The following CXXC4 variants were observed in gnomAD, a reference collection of about 807,000 sequenced individuals.
CXXC4 encodes CXXC-type zinc finger protein 4.
A neutral mutation model predicts 20.5 loss-of-function variants in CXXC4; 5 were observed. That is an observed-to-expected ratio of 0.24 (90% confidence interval 0.13 to 0.51). CXXC4 has a LOEUF of 0.51. CXXC4 is among the 20% of genes least tolerant of loss of function. The probability of loss-of-function intolerance (pLI) is 0.97; values close to 1 mark genes in which losing one functional copy is unlikely to be tolerated. For missense variants in CXXC4, 419 were observed against 496.4 expected (o/e 0.84, Z 1.48); for synonymous variants, 250 against 216.4 (o/e 1.16, Z -1.36).
chr4:104,469,123 A>C lies in CXXC4; in HGVS notation c.*3199T>G, dbSNP rs1736197035. 1 of 152,040 alleles carries C rather than the reference A, an allele frequency of 6.6e-6. No homozygotes were observed. The highest frequency in any genetic ancestry group is 2.4e-5 in the African/African-American group (1 of 41,420). 9.4% of individuals were successfully genotyped at this position (152,040 alleles called of 1,614,324 possible). A position where few individuals can be genotyped will look rare whatever the true frequency, so the allele number is the denominator to read the frequency against. ...AGACTTCCTATTTTCTTTCCCAAGG[A>C]TGGATACATTTCTACTTTGAATCTG... On this transcript the variant is annotated 3_prime_UTR_variant, in exon 3 of 3. Coordinates refer to ENST00000394767, the MANE Select transcript of CXXC4 (RefSeq NM_025212.4).
In CXXC4 at chr4:104,490,936, CGAGGAGGAG is replaced by C. The variant is rs750088127; in HGVS notation, c.858_866del (p.Ser290_Ser292del). 1.9e-6 allele frequency: 3 copies of C among 1,613,904 alleles called. No individual in the cohort carries two copies. The highest frequency in any genetic ancestry group is 2.5e-6 in the Non-Finnish European group (3 of 1,179,964). The stretch of plus-strand genomic sequence containing the variant: ...CTCCGCCAGCTCCCCCTGAGGAGGA[CGAGGAGGAG>C]GAGGAATGATTCTGCGGGCAGTCTG... On this transcript the variant is annotated inframe_deletion, in exon 2 of 3. Transcript: ENST00000394767.
In CXXC4 at chr4:104,491,749, C is replaced by A; in HGVS notation, c.54G>T (p.Leu18Phe). 6.5e-7 allele frequency: 1 copy of A among 1,538,222 alleles called. No individual in the cohort carries two copies. The highest frequency in any genetic ancestry group is 1.2e-5 in the South Asian group (1 of 82,598). Reference protein sequence around the residue: ...EPGPSPEAPGLPKESHLPEGA... With the variant: ...EPGPSPEAPGFPKESHLPEGA... Reference sequence around the variant, plus strand: ...CCTCGGGCAAGTGGCTTTCCTTGGGCAAGCCCGGGGCCTCCGGGCTCGGCC... The same window carrying A: ...CCTCGGGCAAGTGGCTTTCCTTGGGAAAGCCCGGGGCCTCCGGGCTCGGCC... The change falls in exon 2 of 3, where the codon TTG becomes TTT. Residue 18 changes from leucine (L) to phenylalanine (F), a missense_variant. Leu to Phe is a conservative substitution (Grantham distance 22). Around this residue, in one of 3 missense-constraint regions of CXXC4, gnomAD observed 388 missense variants for 416.0 expected, o/e 0.93. Coordinates refer to ENST00000394767, the MANE Select transcript of CXXC4 (RefSeq NM_025212.4).
intron 2 of CXXC4, among the ~76,000 whole-genome samples, chr4:104,490,148 T>C (rs1002902462): frequency 6.6e-6 from 1 of 152,196 alleles, no homozygotes; most frequent in African/African-American, 2.4e-5. Context: ...TCCAAAAATA[T>C]CAGATACGCA....
At chr4:104,482,801 T>C (rs1736590114) in intron 2 of CXXC4, among the ~76,000 whole-genome samples, 1 of 152,090 alleles carries the variant, frequency 6.6e-6, no homozygotes, top group African/African-American at 2.4e-5. Flanking sequence ...TTTTTCCTAA[T>C]CTACAAACAT....
intron 2 of CXXC4, among the ~76,000 whole-genome samples, chr4:104,479,993 T>C (rs937189805): frequency 6.6e-6 from 1 of 152,194 alleles, no homozygotes; most frequent in Admixed American, 6.5e-5. Flanking sequence ...CAAGTCTTTA[T>C]ATGTTTCTTA....
Position 104,491,176 on chromosome 4 carries a change from C to G in CXXC4, c.627G>C (p.Leu209Phe). Reference protein sequence around the residue: ...STLSPEHCRPLAGECMNKLKC... With the variant: ...STLSPEHCRPFAGECMNKLKC... Reference sequence around the variant, plus strand: ...TGAGCTTGTTCATGCATTCCCCCGCCAAAGGTCTGCAGTGTTCAGGGGATA... The same window carrying G: ...TGAGCTTGTTCATGCATTCCCCCGCGAAAGGTCTGCAGTGTTCAGGGGATA... Residue 209 changes from leucine (L) to phenylalanine (F), a missense_variant, in exon 2 of 3, where the codon TTG becomes TTC. Transcript: ENST00000394767. The G allele has an allele frequency of 6.2e-7, 1 of 1,613,836 alleles. No individual in the cohort carries two copies. Among genetic ancestry groups the G allele is most frequent in the Non-Finnish European group, 8.5e-7 (1 of 1,179,998 alleles).
At position 104,469,735 on chromosome 4, in the gene CXXC4, C is replaced by T. The variant is rs1312637832; in HGVS notation, c.*2587G>A. ...TATATAAATGGAGTTTAACCAAAAA[C>T]ATTAAAAAGTGGGTGGTATAAAAGA... is the stretch of plus-strand genomic sequence containing the variant. On this transcript the variant is annotated 3_prime_UTR_variant, in exon 3 of 3. Transcript: ENST00000394767. 1.3e-5 allele frequency: 2 copies of T among 151,608 alleles called. No homozygotes were observed. The highest frequency in any genetic ancestry group is 2.9e-5 in the Non-Finnish European group (2 of 67,852). The allele number at this position is 151,608 out of a possible 1,614,324, so 9.4% of individuals were successfully genotyped here.
At chr4:104,487,835 G>T (rs1578321573) in intron 2 of CXXC4, among the ~76,000 whole-genome samples, 1 of 152,034 alleles carries the variant, frequency 6.6e-6, no homozygotes, top group East Asian at 1.9e-4. Flanking sequence ...CACATTTCTA[G>T]GGCATCATAA....
chr4:104,476,714 A>G (rs1441466648), intron 2 of CXXC4, among the ~76,000 whole-genome samples: 1 of 152,180 alleles, frequency 6.6e-6, no homozygotes, highest in Non-Finnish European at 1.5e-5. Context: ...TAAAAATTTC[A>G]GTGACTCACC....
At chr4:104,482,790 A>T (rs1736589614) in intron 2 of CXXC4, among the ~76,000 whole-genome samples, 2 of 152,010 alleles carry the variant, frequency 1.3e-5, no homozygotes, top group Non-Finnish European at 2.9e-5. Flanking sequence ...AAATGTCCAA[A>T]TTTTTCCTAA....
chr4:104,493,271 T>C (rs1170824627), intron 1 of CXXC4, among the ~76,000 whole-genome samples: 3 of 152,136 alleles, frequency 2.0e-5, no homozygotes, highest in East Asian at 1.9e-4. Context: ...ATAAAGTGTA[T>C]ATTCACTTAA....
intron 2 of CXXC4, among the ~76,000 whole-genome samples, chr4:104,477,189 T>C (rs1293559462): frequency 2.0e-5 from 3 of 152,172 alleles, no homozygotes; most frequent in Admixed American, 1.3e-4. Context: ...CCTTCAGTTA[T>C]TCAATTATAT....
chr4:104,473,925 C>T (rs1736341311), intron 2 of CXXC4, among the ~76,000 whole-genome samples: 1 of 151,876 alleles, frequency 6.6e-6, no homozygotes, highest in East Asian at 1.9e-4. Context: ...GTAATTATGT[C>T]ATCTAATAAT....
At chr4:104,493,459 A>G (rs115876629) in intron 1 of CXXC4, among the ~76,000 whole-genome samples, 130 of 152,278 alleles carry the variant, frequency 8.5e-4, no homozygotes, top group African/African-American at 3.0e-3. Context: ...TTATGCTTAT[A>G]ATTAGGTTAA....
Position 104,491,205 on chromosome 4 carries a change from T to C in CXXC4, c.598A>G (p.Thr200Ala), listed in dbSNP as rs770455546. The part of the protein sequence containing the change: ...LQMANTNFLS[T>A]LSPEHCRPLA... ...GGTCTGCAGTGTTCAGGGGATAAGG[T>C]GGAGAGGAAATTAGTATTTGCCATT... The change falls in exon 2 of 3, where the codon ACC becomes GCC. Residue 200 changes from threonine (T) to alanine (A), a missense_variant. Physicochemically the swap from Thr to Ala is moderately conservative, Grantham distance 58. Transcript: ENST00000394767. 6.2e-7 allele frequency: 1 copy of C among 1,613,332 alleles called. No homozygotes were observed. Among genetic ancestry groups the C allele is most frequent in the Admixed American group, 1.7e-5 (1 of 60,002 alleles).
chr4:104,479,948 A>G (rs1736511794), intron 2 of CXXC4, among the ~76,000 whole-genome samples: 1 of 152,240 alleles, frequency 6.6e-6, no homozygotes, highest in Middle Eastern at 3.4e-3. Context: ...AATAAAATTG[A>G]AAAGTATACA....
intron 2 of CXXC4, among the ~76,000 whole-genome samples, chr4:104,473,356 T>C (rs1736324918): frequency 6.6e-6 from 1 of 151,858 alleles, no homozygotes; most frequent in Non-Finnish European, 1.5e-5. Flanking sequence ...TATAAATGGT[T>C]TCTCCAAAGA....
rs1462684234 is a variant in CXXC4 at position 104,472,170 on chromosome 4, C to CTAT, written c.*151_*152insATA. On this transcript the variant is annotated 3_prime_UTR_variant, in exon 3 of 3. Coordinates refer to ENST00000394767, the MANE Select transcript of CXXC4 (RefSeq NM_025212.4). ...TTTTATGTCTTTTTCTTTTCTTTTC[C>CTAT]TCTTTTTTTTTTTTTTTGAAGAAAG... 1 of 366,720 alleles carries CTAT rather than the reference C, an allele frequency of 2.7e-6. No homozygotes were observed. The highest frequency in any genetic ancestry group is 4.8e-5 in the African/African-American group (1 of 20,724). The allele number at this position is 366,720 out of a possible 1,614,324, so 22.7% of individuals were successfully genotyped here.
chr4:104,473,110 TTAAG>T (rs1163080090), intron 2 of CXXC4, among the ~76,000 whole-genome samples: 2 of 150,254 alleles, frequency 1.3e-5, no homozygotes, highest in Non-Finnish European at 2.9e-5. Flanking sequence ...CAAAATTCAG[TTAAG>T]TAATTTATTC....
Sources: allele counts gnomAD v4.1 joint callset (sites outside exome capture counted in the v4.1 genomes callset), GRCh38; gene constraint gnomAD v4.1.1; regional missense constraint gnomAD v4.1.1; transcripts MANE v1.5; gene names NCBI Gene and HGNC (gene_info 2026-07-23, HGNC 2026-07-21).